The following DPYD variants were observed in gnomAD, a reference collection of about 807,000 sequenced individuals.
The protein encoded by DPYD is dihydropyrimidine dehydrogenase, also known as dihydropyrimidine dehydrogenase [NADP(+)].
Under a neutral mutation model 116.2 loss-of-function variants are expected in DPYD, and 109 were observed. The observed-to-expected ratio is 0.94, with a 90% CI of 0.80 to 1.10. The LOEUF (loss-of-function observed/expected upper bound fraction) is 1.10. Ranked by LOEUF, DPYD falls within the 50% of genes least tolerant of loss-of-function variation. DPYD has a pLI of 0.00. For synonymous variants in DPYD, 440 were observed against 432.0 expected, an observed-to-expected ratio of 1.02 and a Z score of -0.23; for missense variants, 1,302 against 1,254.5, an observed-to-expected ratio of 1.04 and a Z score of -0.57.
chr1:97,813,542 G>A (rs1037289264), intron 3 of DPYD, among the ~76,000 whole-genome samples: 7 of 152,108 alleles, frequency 4.6e-5, no homozygotes, highest in African/African-American at 1.7e-4. Context: ...TAATTGGTTT[G>A]TAAACATAGC....
At chr1:97,597,421 C>G (rs1011326079) in intron 8 of DPYD, among the ~76,000 whole-genome samples, 1 of 152,120 alleles carries the variant, frequency 6.6e-6, no homozygotes, top group African/African-American at 2.4e-5. Context: ...ACTAGACAGA[C>G]TTTGGTATGA....
intron 1 of DPYD, among the ~76,000 whole-genome samples, chr1:97,897,345 T>C (rs759535340): frequency 1.3e-5 from 2 of 151,914 alleles, no homozygotes; most frequent in Non-Finnish European, 2.9e-5. Context: ...TCACTAGTTT[T>C]GACCAATTTG....
chr1:97,382,119 C>T (rs947591051), intron 15 of DPYD, among the ~76,000 whole-genome samples: 6 of 152,166 alleles, frequency 3.9e-5, no homozygotes, highest in African/African-American at 1.4e-4. Flanking sequence ...GCTTAACATG[C>T]AAATAAAGAG....
At chr1:97,794,126 T>C (rs748032832) in intron 3 of DPYD, among the ~76,000 whole-genome samples, 2 of 152,090 alleles carry the variant, frequency 1.3e-5, no homozygotes, top group African/African-American at 2.4e-5. Flanking sequence ...TTAGTAAGGA[T>C]AGAGTTTCAC....
intron 19 of DPYD, among the ~76,000 whole-genome samples, chr1:97,223,968 A>G (rs1000307607): frequency 6.6e-6 from 1 of 152,044 alleles, no homozygotes; most frequent in Non-Finnish European, 1.5e-5. Flanking sequence ...AGACCTCAAG[A>G]GTTTATGAAT....
chr1:97,416,830 C>T (rs1290141915), intron 14 of DPYD, among the ~76,000 whole-genome samples: 1 of 152,108 alleles, frequency 6.6e-6, no homozygotes, highest in Non-Finnish European at 1.5e-5. Flanking sequence ...CATCGAACCC[C>T]CTTTTAGGTA....
chr1:97,851,283 C>T (rs1447336849), intron 2 of DPYD, among the ~76,000 whole-genome samples: 1 of 148,170 alleles, frequency 6.7e-6, no homozygotes, highest in Non-Finnish European at 1.5e-5. Flanking sequence ...TTCTGTTGCC[C>T]TTTATTTAAT....
In DPYD at chr1:97,553,261, T is replaced by C. The variant is rs546926499; in HGVS notation, c.1340-3517A>G. Among the ~76,000 whole-genome samples the C allele has an allele frequency of 2.7e-4, 41 of 152,170 alleles. No individual in the cohort carries two copies. The South Asian group carries it at 8.3e-3, about 31-fold the overall frequency. ...TAAATACCTTTCCTAATTTCAACAA[T>C]TCTTTTAAAATATAGCCATTATTTT... is the stretch of plus-strand genomic sequence containing the variant. On this transcript the variant is annotated intron_variant, in intron 11 of 22. Transcript: ENST00000370192.
chr1:97,215,611 T>C (rs893936979), intron 19 of DPYD, among the ~76,000 whole-genome samples: 1 of 152,134 alleles, frequency 6.6e-6, no homozygotes, highest in Non-Finnish European at 1.5e-5. Flanking sequence ...TTCCTTGTAG[T>C]AGAGGTTTAT....
intron 20 of DPYD, among the ~76,000 whole-genome samples, chr1:97,148,449 G>A (rs961526966): frequency 3.9e-4 from 59 of 151,962 alleles, no homozygotes; most frequent in African/African-American, 1.4e-3. Flanking sequence ...TTTCCATCTA[G>A]GAATCAAAAG....
At chr1:97,175,124 A>C (rs553458279) in intron 20 of DPYD, among the ~76,000 whole-genome samples, 1 of 152,336 alleles carries the variant, frequency 6.6e-6, no homozygotes, top group African/African-American at 2.4e-5. Context: ...AGAGTTTTCC[A>C]AAGTAGTTGT....
intron 20 of DPYD, among the ~76,000 whole-genome samples, chr1:97,141,002 A>G (rs1654175227): frequency 6.6e-6 from 1 of 152,160 alleles, no homozygotes; most frequent in Non-Finnish European, 1.5e-5. Flanking sequence ...TGAGTGGATC[A>G]TACGTCTAAT....
intron 5 of DPYD, among the ~76,000 whole-genome samples, chr1:97,701,972 C>A (rs572337078): frequency 6.6e-6 from 1 of 151,734 alleles, no homozygotes; most frequent in Non-Finnish European, 1.5e-5. Flanking sequence ...AAAATAATTT[C>A]TTATTCCCAG....
At chr1:97,483,873 T>A (rs1342116575) in intron 13 of DPYD, among the ~76,000 whole-genome samples, 1 of 107,338 alleles carries the variant, frequency 9.3e-6, no homozygotes, top group Non-Finnish European at 2.0e-5. Context: ...AATTCCTAGC[T>A]AACAGAACTG....
At position 97,498,302 on chromosome 1, in the gene DPYD, G is replaced by A. The variant is rs574920594; in HGVS notation, c.1740+17424C>T. On this transcript the variant is annotated intron_variant, in intron 13 of 22. Transcript: ENST00000370192. ...ATGAAAAGTTACACTTTAAAGAATGGATTTTATACGTAAATTATAAAAACA... is the reference window on the plus strand; with the variant it reads ...ATGAAAAGTTACACTTTAAAGAATGAATTTTATACGTAAATTATAAAAACA... Among the ~76,000 whole-genome samples the A allele has an allele frequency of 2.0e-4, 31 of 151,812 alleles. 1 individual carries two copies. In the South Asian group the frequency reaches 5.2e-3, roughly 25 times the overall value.
At chr1:97,808,445 GTA>G (rs1463201060) in intron 3 of DPYD, among the ~76,000 whole-genome samples, 1 of 151,980 alleles carries the variant, frequency 6.6e-6, no homozygotes, top group Non-Finnish European at 1.5e-5. Flanking sequence ...ATTAACTTTT[GTA>G]TATTAATCTT....
chr1:97,809,075 A>G (rs1668222864), intron 3 of DPYD, among the ~76,000 whole-genome samples: 1 of 152,192 alleles, frequency 6.6e-6, no homozygotes, highest in South Asian at 2.1e-4. Context: ...CACATAGGGC[A>G]TTGTCAGAAT....
At chr1:97,660,100 C>T (rs1394003773) in intron 8 of DPYD, among the ~76,000 whole-genome samples, 1 of 152,092 alleles carries the variant, frequency 6.6e-6, no homozygotes, top group Non-Finnish European at 1.5e-5. Context: ...TTGTATTTAA[C>T]AACTAATATG....
intron 12 of DPYD, among the ~76,000 whole-genome samples, chr1:97,522,992 T>C (rs1006464792): frequency 3.9e-5 from 6 of 152,176 alleles, no homozygotes; most frequent in East Asian, 1.9e-4. Context: ...TCCGCTAACA[T>C]AGTTGAAAAG....
Sources: allele counts gnomAD v4.1 joint callset (sites outside exome capture counted in the v4.1 genomes callset), GRCh38; gene constraint gnomAD v4.1.1; transcripts MANE v1.5; gene names NCBI Gene and HGNC (gene_info 2026-07-23, HGNC 2026-07-21).